Variants in KRABD4 observed in about 807,000 individuals in gnomAD.
KRABD4 encodes the protein KRAB domain containing 4.
the KRABD4 span, chrX:46,473,622 G>T: frequency 1.7e-5 from 6 of 351,263 alleles, no homozygotes; most frequent in Non-Finnish European, 2.4e-5. Context: ...GCACTGTCCT[G>T]CTCTTTCCTG....
At chrX:46,466,973 A>G in the KRABD4 span, among the ~76,000 whole-genome samples, 1 of 112,154 alleles carries the variant, frequency 8.9e-6, no homozygotes, top group Non-Finnish European at 1.9e-5. Context: ...TTCTTTCTAG[A>G]ATATCATGTG....
chrX:46,463,265 T>C, the KRABD4 span: 12 of 1,212,111 alleles, frequency 9.9e-6, no homozygotes, highest in Non-Finnish European at 1.3e-5. Flanking sequence ...GGATGGCAGA[T>C]GGGGGGACCC....
At chrX:46,450,126 A>G in the KRABD4 span, among the ~76,000 whole-genome samples, 1 of 112,085 alleles carries the variant, frequency 8.9e-6, no homozygotes, top group African/African-American at 3.2e-5. Context: ...TTCCACATTT[A>G]GGAATGTTTC....
the KRABD4 span, among the ~76,000 whole-genome samples, chrX:46,460,194 C>G: frequency 1.6e-4 from 18 of 111,473 alleles, no homozygotes; most frequent in African/African-American, 5.9e-4. Context: ...CCAAGGCGGG[C>G]GGATCACCTG....
At chrX:46,460,622 CGTT>C in the KRABD4 span, among the ~76,000 whole-genome samples, 3 of 93,525 alleles carry the variant, frequency 3.2e-5, no homozygotes, top group South Asian at 4.9e-4. Context: ...TGGTTGTTGT[CGTT>C]ATTGTTGTTT....
the KRABD4 span, chrX:46,471,004 A>G: frequency 1.8e-3 from 1,008 of 564,591 alleles, 3 homozygotes; most frequent in Non-Finnish European, 1.9e-3. Context: ...CTGAATGTCA[A>G]TTAGGTGAAG....
chrX:46,457,360 A>G, the KRABD4 span, among the ~76,000 whole-genome samples: 83 of 112,408 alleles, frequency 7.4e-4, no homozygotes, highest in African/African-American at 2.6e-3. Context: ...AGGCTGAGAG[A>G]AAATACATGC....
chrX:46,467,429 C>T, the KRABD4 span, among the ~76,000 whole-genome samples: 1 of 110,488 alleles, frequency 9.1e-6, no homozygotes, highest in South Asian at 3.9e-4. Context: ...GTGGTGCACG[C>T]CTGTAATCCC....
At chrX:46,455,219 C>A in the KRABD4 span, 1 of 1,095,513 alleles carries the variant, frequency 9.1e-7, no homozygotes, top group East Asian at 3.3e-5. Context: ...AATCCCAGCA[C>A]AGATTTTAAT....
the KRABD4 span, chrX:46,450,439 C>G: frequency 2.5e-6 from 3 of 1,200,504 alleles, no homozygotes; most frequent in African/African-American, 5.3e-5. Context: ...AGATCTCCAT[C>G]CTTTGTCCAG....
the KRABD4 span, chrX:46,463,399 T>C: frequency 1.3e-6 from 1 of 784,667 alleles, no homozygotes; most frequent in Non-Finnish European, 1.9e-6. Context: ...GCCTCGGACT[T>C]GTGGACATGC....
chrX:46,450,572 C>T, the KRABD4 span: 1 of 782,130 alleles, frequency 1.3e-6, no homozygotes, highest in East Asian at 3.2e-5. Flanking sequence ...ATCCCCTCTT[C>T]TCTGGCTGTT....
At chrX:46,465,084 T>G in the KRABD4 span, among the ~76,000 whole-genome samples, 2 of 112,537 alleles carry the variant, frequency 1.8e-5, no homozygotes, top group African/African-American at 6.5e-5. Context: ...ACTCCCCAGC[T>G]CTTCACAAGT....
At chrX:46,448,524 C>A in the KRABD4 span, 1 of 113,270 alleles carries the variant, frequency 8.8e-6, no homozygotes, top group Non-Finnish European at 1.9e-5. Context: ...CCTAGAAGAG[C>A]TGGACCCATA....
chrX:46,458,759 TAGA>T, the KRABD4 span, among the ~76,000 whole-genome samples: 1 of 111,579 alleles, frequency 9.0e-6, no homozygotes, highest in African/African-American at 3.3e-5. Context: ...TAGCAAAAAG[TAGA>T]AGGAGAAAGC....
At chrX:46,456,330 A>G in the KRABD4 span, 3 of 105,588 alleles carry the variant, frequency 2.8e-5, no homozygotes, top group African/African-American at 1.1e-4. Flanking sequence ...AGTATAATTT[A>G]TTAATTATTA....
the KRABD4 span, among the ~76,000 whole-genome samples, chrX:46,459,807 A>G: frequency 8.9e-6 from 1 of 111,823 alleles, no homozygotes; most frequent in African/African-American, 3.3e-5. Context: ...CTCTCACTTG[A>G]CACAACACTT....
chrX:46,451,701 A>C, the KRABD4 span, among the ~76,000 whole-genome samples: 1 of 111,339 alleles, frequency 9.0e-6, no homozygotes, highest in South Asian at 3.7e-4. Flanking sequence ...CTGTGTTCCA[A>C]TTTTCCAGGC....
At chrX:46,472,622 G>GTCC in the KRABD4 span, 1 of 721,145 alleles carries the variant, frequency 1.4e-6, no homozygotes, top group Non-Finnish European at 2.1e-6. Context: ...CATGGGGAGG[G>GTCC]TCCATCCACA....
Sources: allele counts gnomAD v4.1 joint callset (sites outside exome capture counted in the v4.1 genomes callset), GRCh38; gene constraint gnomAD v4.1.1; transcripts MANE v1.5; gene names NCBI Gene and HGNC (gene_info 2026-07-23, HGNC 2026-07-21).